COG2: variants seen among roughly 807,000 people sequenced by gnomAD.
The protein encoded by COG2 is component of oligomeric golgi complex 2, also known as conserved oligomeric Golgi complex subunit 2.
Under a neutral mutation model 90.6 loss-of-function variants are expected in COG2, and 52 were observed. The observed-to-expected ratio is 0.57, with a 90% confidence interval of 0.46 to 0.72. COG2 has a LOEUF of 0.72. Ranked by LOEUF, COG2 falls within the 30% of genes least tolerant of loss-of-function variation. COG2 has a pLI of 0.00. For synonymous variants in COG2, 337 were observed against 320.4 expected, an observed-to-expected ratio of 1.05 and a Z score of -0.55; for missense variants, 829 against 891.2, an observed-to-expected ratio of 0.93 and a Z score of 0.89.
chr1:230,647,599 T>C (rs1199851590), intron 1 of COG2, among the ~76,000 whole-genome samples: 2 of 152,134 alleles, frequency 1.3e-5, no homozygotes, highest in Non-Finnish European at 2.9e-5. Flanking sequence ...TTTCTGTGAA[T>C]AAAGAAACTT....
chr1:230,662,001 C>G (rs1662191829), intron 3 of COG2, among the ~76,000 whole-genome samples: 2 of 151,964 alleles, frequency 1.3e-5, no homozygotes, highest in Admixed American at 1.3e-4. Context: ...TTTTCCGAGC[C>G]TCAGCCCTCA....
chr1:230,669,689 G>A (rs1662401165), intron 7 of COG2, 154 bp downstream of exon 7: 5 of 621,222 alleles, frequency 8.0e-6, no homozygotes, highest in African/African-American at 5.5e-5. Flanking sequence ...TGGTCTCCAT[G>A]GGTTATAGTT....
intron 2 of COG2, 56 bp downstream of exon 2, chr1:230,659,681 A>G: frequency 6.5e-7 from 1 of 1,543,490 alleles, no homozygotes; most frequent in South Asian, 1.2e-5. Context: ...TCTCACTCAT[A>G]CTTATTCTTA....
chr1:230,673,726 A>G (rs2102761464), intron 8 of COG2, among the ~76,000 whole-genome samples: 2 of 152,244 alleles, frequency 1.3e-5, no homozygotes, highest in Admixed American at 1.3e-4. Flanking sequence ...TATGGGAGGC[A>G]GTCATCTTCT....
intron 3 of COG2, among the ~76,000 whole-genome samples, chr1:230,662,201 A>G (rs60324893): frequency 5.8e-4 from 89 of 152,206 alleles, no homozygotes; most frequent in African/African-American, 2.0e-3. Context: ...AGCTGTCTCT[A>G]TAGCCACCTT....
chr1:230,667,069 C>T (rs986244637), intron 5 of COG2, among the ~76,000 whole-genome samples: 3 of 152,140 alleles, frequency 2.0e-5, no homozygotes, highest in Admixed American at 6.5e-5. Flanking sequence ...ATCGGGCCTC[C>T]GGGTCATCCC....
At chr1:230,682,783 A>G (rs774459584) in intron 10 of COG2, 6 of 152,264 alleles carry the variant, frequency 3.9e-5, no homozygotes, top group Non-Finnish European at 7.3e-5. Context: ...ACAAAAGAGC[A>G]TGCTAGTAAA....
chr1:230,686,979 G>C lies in COG2; in HGVS notation c.1425G>C (p.Lys475Asn), dbSNP rs753423341. 2 of 1,600,080 alleles carry C rather than the reference G, an allele frequency of 1.2e-6. No individual in the cohort carries two copies. The highest frequency in any genetic ancestry group is 2.2e-5 in the South Asian group (2 of 88,972). ...CTAATGAAAGTCCCAAGGAGATCAA[G>C]AAACCTTTGGTAACTGGTAGCAAAG... ...PISNESPKEI[K>N]KPLVTGSKEP... is the part of the protein sequence containing the mutation. Residue 475 changes from lysine to asparagine, a missense_variant, in exon 13 of 18, where the codon AAG becomes AAC. Coordinates refer to ENST00000366669, the MANE Select transcript of COG2 (RefSeq NM_007357.3).
chr1:230,689,823 C>G (rs1351408128), intron 15 of COG2, 191 bp from the exon 16 acceptor site: 1 of 518,764 alleles, frequency 1.9e-6, no homozygotes, highest in African/African-American at 2.0e-5. Context: ...TGTGCTGGCT[C>G]TTCTTATTCC....
intron 9 of COG2, among the ~76,000 whole-genome samples, chr1:230,676,343 C>T (rs1367907582): frequency 6.6e-6 from 1 of 151,946 alleles, no homozygotes; most frequent in Non-Finnish European, 1.5e-5. Context: ...CATTTTGTCC[C>T]CTCTACTAAT....
chr1:230,668,067 TTAAAA>T (rs760215805), intron 5 of COG2, among the ~76,000 whole-genome samples: 2 of 152,182 alleles, frequency 1.3e-5, no homozygotes, highest in Admixed American at 6.5e-5. Context: ...CTATTTAAAT[TTAAAA>T]TAAGATATTT....
chr1:230,677,013 G>C (rs1470368195), intron 9 of COG2, among the ~76,000 whole-genome samples: 1 of 151,982 alleles, frequency 6.6e-6, no homozygotes, highest in African/African-American at 2.4e-5. Flanking sequence ...GGATTTGATA[G>C]GTTTTCTGAA....
intron 5 of COG2, among the ~76,000 whole-genome samples, chr1:230,666,220 C>T (rs1232135760): frequency 6.6e-6 from 1 of 152,178 alleles, no homozygotes. Context: ...TTTTACTCCT[C>T]CCTTTTATTC....
chr1:230,655,815 G>A (rs1427336446), intron 1 of COG2, among the ~76,000 whole-genome samples: 1 of 152,160 alleles, frequency 6.6e-6, no homozygotes, highest in Admixed American at 6.5e-5. Flanking sequence ...CTTCTTCCAG[G>A]TTTGGCCTTG....
intron 9 of COG2, chr1:230,677,987 C>T: frequency 2.0e-6 from 2 of 984,732 alleles, no homozygotes; most frequent in Non-Finnish European, 2.4e-6. Flanking sequence ...ATAAGTTTGC[C>T]CAAAACCATT....
At chr1:230,668,637 C>T (rs1377620656) in intron 5 of COG2, 39 bp from the exon 6 acceptor site, 1 of 1,264,622 alleles carries the variant, frequency 7.9e-7, no homozygotes, top group Admixed American at 1.8e-5. Flanking sequence ...GAAATAGAGA[C>T]CTTAGGGGTT....
intron 17 of COG2, 62 bp from the exon 18 acceptor site, chr1:230,693,230 T>C (rs1663080364): frequency 2.0e-6 from 2 of 981,916 alleles, no homozygotes; most frequent in Non-Finnish European, 3.2e-6. Context: ...TCTTTCTTTT[T>C]TTTCCCCCCC....
Position 230,675,088 on chromosome 1 carries a change from G to A in COG2, c.990G>A (p.Ser330=), listed in dbSNP as rs144025811. 530 of 1,612,174 alleles carry A rather than the reference G, an allele frequency of 3.3e-4. 1 individual carries two copies. Among genetic ancestry groups the A allele is most frequent in the Non-Finnish European group, 4.4e-4 (517 of 1,179,240 alleles). Residue 330 remains serine, a synonymous_variant, in exon 9 of 18, where the codon TCG becomes TCA. Coordinates refer to ENST00000366669, the MANE Select transcript of COG2 (RefSeq NM_007357.3). ...AAGGATTAGAAGAAAAGTTACCCTC[G>A]CTTTTTAATCCTGGGAATCCCGATG... The part of the protein sequence containing the change: ...IVQGLEEKLP[S]LFNPGNPDAF...
intron 1 of COG2, among the ~76,000 whole-genome samples, chr1:230,650,826 A>G (rs1401831252): frequency 6.6e-6 from 1 of 152,258 alleles, no homozygotes; most frequent in Non-Finnish European, 1.5e-5. Context: ...TTATAGTTTC[A>G]GGTCTTACAC....
Sources: gnomAD v4.1 joint callset for allele counts (sites outside exome capture counted in the v4.1 genomes callset) on GRCh38, gnomAD v4.1.1 for gene constraint, MANE v1.5 for transcripts, NCBI Gene and HGNC (gene_info 2026-07-23, HGNC 2026-07-21) for gene names.